The following PSD3 variants were observed in gnomAD, a reference collection of about 807,000 sequenced individuals.
The protein encoded by PSD3 is PH and SEC7 domain-containing protein 3.
Under a neutral mutation model 105.5 loss-of-function variants are expected in PSD3, and 49 were observed. That is an observed-to-expected ratio of 0.46 (90% confidence interval 0.37 to 0.59). PSD3 has a LOEUF of 0.59. Among genes scored for constraint, PSD3 ranks in the 20% least tolerant of loss-of-function variants. The pLI, the probability that PSD3 is intolerant of heterozygous loss-of-function variation, is 0.00. For missense variants in PSD3, 1,561 were observed against 1,263.8 expected (o/e 1.24, Z -3.57); for synonymous variants, 557 against 457.8 (o/e 1.22, Z -2.77).
chr8:18,939,906 C>T (rs1340990873), intron 1 of PSD3, among the ~76,000 whole-genome samples: 1 of 151,992 alleles, frequency 6.6e-6, no homozygotes, highest in East Asian at 1.9e-4. Context: ...GTAAAAATAC[C>T]AGAGCAGAAA....
At chr8:18,798,327 T>C (rs1266233822) in intron 8 of PSD3, among the ~76,000 whole-genome samples, 4 of 152,160 alleles carry the variant, frequency 2.6e-5, no homozygotes, top group East Asian at 1.9e-4. Flanking sequence ...TTTTGAGATA[T>C]GTTAAAATGA....
intron 1 of PSD3, among the ~76,000 whole-genome samples, chr8:19,077,532 C>T (rs548718980): frequency 2.3e-4 from 35 of 152,252 alleles, no homozygotes; most frequent in African/African-American, 8.4e-4. Context: ...TCCATGTAGC[C>T]GTCATTCTGT....
intron 11 of PSD3, among the ~76,000 whole-genome samples, chr8:18,631,278 C>A (rs1806875976): frequency 6.6e-6 from 1 of 151,972 alleles, no homozygotes; most frequent in South Asian, 2.1e-4. Context: ...GCTTTGTGTG[C>A]CAAGAACTCC....
At chr8:18,757,245 G>C (rs974563243) in intron 9 of PSD3, among the ~76,000 whole-genome samples, 3 of 150,228 alleles carry the variant, frequency 2.0e-5, no homozygotes, top group African/African-American at 7.3e-5. Flanking sequence ...TTGAGGTCAG[G>C]AGTTCAAGAC....
At chr8:18,549,967 G>A (rs1800666739) in intron 15 of PSD3, among the ~76,000 whole-genome samples, 1 of 152,166 alleles carries the variant, frequency 6.6e-6, no homozygotes, top group African/African-American at 2.4e-5. Flanking sequence ...GGTTCAGAAA[G>A]GATAAGGTCA....
chr8:18,911,505 G>A (rs1820219533), intron 2 of PSD3, among the ~76,000 whole-genome samples: 1 of 152,120 alleles, frequency 6.6e-6, no homozygotes, highest in South Asian at 2.1e-4. Context: ...GCCTCAGTGA[G>A]TCTCAGGAAC....
At chr8:19,003,960 C>T (rs1047772770) in intron 1 of PSD3, among the ~76,000 whole-genome samples, 42 of 152,072 alleles carry the variant, frequency 2.8e-4, no homozygotes, top group African/African-American at 9.6e-4. Context: ...CCAAACATTC[C>T]GATCTTAAGA....
At chr8:18,813,044 G>A (rs1048268056) in intron 4 of PSD3, among the ~76,000 whole-genome samples, 1 of 152,194 alleles carries the variant, frequency 6.6e-6, no homozygotes, top group African/African-American at 2.4e-5. Flanking sequence ...GAATAGTACA[G>A]TCAAGAGATG....
intron 11 of PSD3, among the ~76,000 whole-genome samples, chr8:18,629,030 C>A (rs1377593792): frequency 6.6e-6 from 1 of 151,708 alleles, no homozygotes; most frequent in Admixed American, 6.6e-5. Flanking sequence ...CGAGACCCAC[C>A]AATATTCCAT....
At chr8:18,887,623 G>A (rs1427963675) in intron 2 of PSD3, among the ~76,000 whole-genome samples, 2 of 152,086 alleles carry the variant, frequency 1.3e-5, no homozygotes, top group African/African-American at 2.4e-5. Context: ...AGTGATAATG[G>A]CTATTAATAC....
chr8:18,752,503 TATATATA>T (rs1480819413), intron 9 of PSD3, among the ~76,000 whole-genome samples: 5 of 75,480 alleles, frequency 6.6e-5, no homozygotes, highest in African/African-American at 1.4e-4. Flanking sequence ...ATATATATAA[TATATATA>T]ATATATGTAA....
At chr8:18,693,705 C>T (rs750075189) in intron 9 of PSD3, among the ~76,000 whole-genome samples, 7 of 152,314 alleles carry the variant, frequency 4.6e-5, no homozygotes, top group South Asian at 2.1e-4. Flanking sequence ...ACTTTTCCTA[C>T]GGAAGCAACG....
chr8:18,740,087 C>A (rs527763187), intron 9 of PSD3, among the ~76,000 whole-genome samples: 1 of 152,288 alleles, frequency 6.6e-6, no homozygotes, highest in South Asian at 2.1e-4. Flanking sequence ...GGCCAGCCAG[C>A]CTCCACGAGC....
chr8:18,632,478 G>A, intron 11 of PSD3, 135 bp downstream of exon 11: 3 of 928,330 alleles, frequency 3.2e-6, no homozygotes, highest in Non-Finnish European at 4.8e-6. Context: ...AGGGTTAGAG[G>A]CTTTATCCAA....
chr8:18,645,170 C>T (rs2130812441), intron 10 of PSD3, among the ~76,000 whole-genome samples: 1 of 152,356 alleles, frequency 6.6e-6, no homozygotes, highest in African/African-American at 2.4e-5. Context: ...TACCTCCTAA[C>T]ACTGCATTGG....
rs533603528 is a variant in PSD3, at chr8:19,061,799, C to T, written c.324+22407G>A. Among the ~76,000 whole-genome samples the T allele has an allele frequency of 2.1e-3, 297 of 140,338 alleles. 2 individuals are homozygous for T. The highest frequency in any genetic ancestry group is 8.2e-3 in the African/African-American group (270 of 32,984). 92.1% of individuals were successfully genotyped at this position (140,338 alleles called of 152,430 possible). On this transcript the variant is annotated intron_variant, in intron 1 of 1. Transcript: ENST00000521475. ...CAGCCTGGGCGACAGAGTGAGACTC[C>T]GTCTAAAAAAAAAAAAAAAATCACT...
At chr8:18,968,350 A>C (rs1175268128) in intron 1 of PSD3, among the ~76,000 whole-genome samples, 2 of 152,220 alleles carry the variant, frequency 1.3e-5, no homozygotes, top group African/African-American at 4.8e-5. Context: ...CTTTATTTTA[A>C]AAGCAGAATG....
intron 4 of PSD3, among the ~76,000 whole-genome samples, chr8:18,836,311 C>T (rs190964220): frequency 6.0e-4 from 92 of 152,256 alleles, no homozygotes; most frequent in African/African-American, 2.1e-3. Context: ...TCTCAAATAT[C>T]ATCAATGGTT....
chr8:18,964,955 A>C (rs1435061091), intron 1 of PSD3, among the ~76,000 whole-genome samples: 4 of 152,178 alleles, frequency 2.6e-5, no homozygotes, highest in African/African-American at 9.7e-5. Flanking sequence ...TTTAATATAA[A>C]CTATTAAAAC....
Sources: allele counts gnomAD v4.1 joint callset (sites outside exome capture counted in the v4.1 genomes callset), GRCh38; gene constraint gnomAD v4.1.1; transcripts MANE v1.5; gene names NCBI Gene and HGNC (gene_info 2026-07-23, HGNC 2026-07-21).